ZNF362: variants seen among roughly 807,000 people sequenced by gnomAD.
The protein encoded by ZNF362 is rotund homolog.
ZNF362 carries 11 observed loss-of-function variants against 42.9 expected under a neutral mutation model. The observed-to-expected ratio is 0.26, with a 90% CI of 0.16 to 0.42. The LOEUF (loss-of-function observed/expected upper bound fraction) is 0.42. ZNF362 is among the 20% of genes least tolerant of loss of function. The pLI is 1.00. For missense variants in ZNF362, 362 were observed against 576.2 expected, an observed-to-expected ratio of 0.63 and a Z score of 3.81; for synonymous variants, 255 against 257.3, an observed-to-expected ratio of 0.99 and a Z score of 0.09.
At chr1:33,159,955 C>T in the ZNF362 span, 12 of 1,599,072 alleles carry the variant, frequency 7.5e-6, no homozygotes, top group Non-Finnish European at 1.0e-5. This position sits in a 1 kb window ranked among gnomAD's most constrained non-coding sequence, Gnocchi z 4.2. Flanking sequence ...CTGTGGGGGA[C>T]AGTCGTCAGG....
chr1:33,174,930 C>T, the ZNF362 span, among the ~76,000 whole-genome samples: 6 of 114,562 alleles, frequency 5.2e-5, no homozygotes, highest in African/African-American at 2.2e-4. Context: ...CACACACACA[C>T]ATACATATAT....
the ZNF362 span, chr1:33,200,116 T>A: frequency 1.3e-5 from 2 of 152,268 alleles, no homozygotes; most frequent in Non-Finnish European, 2.9e-5. Context: ...AGTGGAAGTG[T>A]ACTGTTATAA....
intron 2 of ZNF362, chr1:33,275,167 C>CTT: frequency 1.0e-6 from 1 of 985,300 alleles, no homozygotes; most frequent in Non-Finnish European, 1.2e-6. Flanking sequence ...TAATGGAAAC[C>CTT]CTCTGTGAGG....
the ZNF362 span, among the ~76,000 whole-genome samples, chr1:33,174,366 T>C: frequency 6.6e-6 from 1 of 152,134 alleles, no homozygotes; most frequent in Non-Finnish European, 1.5e-5. Context: ...GCATTTTTTA[T>C]AGAGATAGGG....
chr1:33,230,885 A>G, the ZNF362 span, among the ~76,000 whole-genome samples: 7 of 152,252 alleles, frequency 4.6e-5, no homozygotes, highest in Non-Finnish European at 7.3e-5. Flanking sequence ...ATGCTCAGGG[A>G]TATAAAACTT....
At chr1:33,171,130 G>C in the ZNF362 span, among the ~76,000 whole-genome samples, 1 of 152,096 alleles carries the variant, frequency 6.6e-6, no homozygotes, top group African/African-American at 2.4e-5. Flanking sequence ...GGGACTGACT[G>C]GCCCACGGCC....
At chr1:33,274,678 G>C (rs951931944) in intron 2 of ZNF362, among the ~76,000 whole-genome samples, 2 of 152,162 alleles carry the variant, frequency 1.3e-5, no homozygotes, top group Admixed American at 6.5e-5. Context: ...TAGATATTGA[G>C]CCATTTGCAT....
At chr1:33,144,619 C>A in the ZNF362 span, among the ~76,000 whole-genome samples, 32,752 of 152,164 alleles carry the variant, frequency 0.22, 3,585 homozygotes, top group South Asian at 0.3. Flanking sequence ...GTAAAGTGAA[C>A]TTTAATTCTT....
At chr1:33,168,242 C>G in the ZNF362 span, among the ~76,000 whole-genome samples, 4 of 152,098 alleles carry the variant, frequency 2.6e-5, no homozygotes, top group Non-Finnish European at 5.9e-5. Flanking sequence ...CCATCTCAGG[C>G]CATGAGGCAA....
At chr1:33,175,949 C>G in the ZNF362 span, among the ~76,000 whole-genome samples, 30 of 152,304 alleles carry the variant, frequency 2.0e-4, no homozygotes, top group African/African-American at 6.5e-4. Context: ...AATGTTGGCC[C>G]TAAGCTTCTA....
At chr1:33,271,840 C>T (rs1397793907) in intron 2 of ZNF362, among the ~76,000 whole-genome samples, 3 of 152,098 alleles carry the variant, frequency 2.0e-5, no homozygotes, top group Admixed American at 6.5e-5. Context: ...GGGGATGTCC[C>T]GCTGTGAGCT....
chr1:33,275,260 G>C, intron 2 of ZNF362: 1 of 985,384 alleles, frequency 1.0e-6, no homozygotes, highest in African/African-American at 1.7e-5. Flanking sequence ...AGCCCTGAAG[G>C]CCCATCCTTC....
Position 33,270,476 on chromosome 1 carries a change from C to T in ZNF362, c.-88-11C>T, listed in dbSNP as rs1645894520. 3 of 685,812 alleles carry T rather than the reference C, an allele frequency of 4.4e-6. No individual in the cohort carries two copies. The highest frequency in any genetic ancestry group is 8.0e-6 in the Non-Finnish European group (3 of 376,242). 42.5% of individuals were successfully genotyped at this position (685,812 alleles called of 1,614,324 possible). ...ATTGTTATTATTGTTATTGTTATTC[C>T]CATATACAAGGTGCTGTTGGGAACA... On this transcript the variant is annotated splice_polypyrimidine_tract_variant and intron_variant, in intron 1 of 8. Coordinates refer to ENST00000539719, the MANE Select transcript of ZNF362 (RefSeq NM_152493.3).
In ZNF362 at chr1:33,276,262, C is replaced by A. The variant is rs945370008; in HGVS notation, c.103-86C>A. On this transcript the variant is annotated intron_variant, in intron 3 of 8. Coordinates refer to ENST00000539719, the MANE Select transcript of ZNF362 (RefSeq NM_152493.3). ...GGCCTGCGGGGAGCGGGGTGAGGAG[C>A]GAGGGGCTCGCGGGTGGACCAGCGG... 3.2e-6 allele frequency: 5 copies of A among 1,572,484 alleles called. No individual in the cohort carries two copies. The African/African-American group carries it at 6.7e-5, about 21-fold the overall frequency.
At chr1:33,216,776 A>G in the ZNF362 span, among the ~76,000 whole-genome samples, 4 of 151,950 alleles carry the variant, frequency 2.6e-5, no homozygotes, top group South Asian at 4.1e-4. Context: ...GCCAAGGTAC[A>G]GGAAGGTAAA....
chr1:33,175,479 G>T, the ZNF362 span, among the ~76,000 whole-genome samples: 1 of 152,202 alleles, frequency 6.6e-6, no homozygotes, highest in Non-Finnish European at 1.5e-5. Flanking sequence ...TGAGTCGGGA[G>T]AGCTGAGCTC....
At chr1:33,158,046 C>T in the ZNF362 span, among the ~76,000 whole-genome samples, 3 of 152,258 alleles carry the variant, frequency 2.0e-5, no homozygotes, top group African/African-American at 4.8e-5. Context: ...TGAGCCACCA[C>T]GCCCAGCCAT....
rs985355122 is a variant in ZNF362, at chr1:33,280,365, C to G, written c.591C>G (p.Ile197Met). 1 of 1,614,002 alleles carries G rather than the reference C, an allele frequency of 6.2e-7. No homozygotes were observed. The highest frequency in any genetic ancestry group is 8.5e-7 in the Non-Finnish European group (1 of 1,179,938). Residue 197 changes from isoleucine (I) to methionine (M), a missense_variant, in exon 5 of 9, where the codon ATC becomes ATG. Ile to Met is a conservative substitution (Grantham distance 10). This residue lies in a region of ZNF362 where 266 missense variants were observed against 365.4 expected (regional missense o/e 0.73). Coordinates refer to ENST00000539719, the MANE Select transcript of ZNF362 (RefSeq NM_152493.3). This position sits in a 1 kb window ranked among gnomAD's most constrained non-coding sequence, Gnocchi z 5.6. ...AGTCCGAACGCGGCCGCAAAAAGAT[C>G]AAGGCGGAGAACCCGGGGGGTCCGC... Reference protein sequence around the residue: ...PPKSERGRKKIKAENPGGPPV... With the variant: ...PPKSERGRKKMKAENPGGPPV...
the ZNF362 span, among the ~76,000 whole-genome samples, chr1:33,136,045 G>A: frequency 6.6e-6 from 1 of 151,156 alleles, no homozygotes; most frequent in African/African-American, 2.4e-5. Flanking sequence ...GAGCAAACAT[G>A]GCCTTCTCTT....
Sources: gnomAD v4.1 joint callset for allele counts (sites outside exome capture counted in the v4.1 genomes callset) on GRCh38, gnomAD v4.1.1 for gene constraint, gnomAD v4.1.1 regional missense constraint, Gnocchi (gnomAD v3.1) non-coding constraint, MANE v1.5 for transcripts, NCBI Gene and HGNC (gene_info 2026-07-23, HGNC 2026-07-21) for gene names.